The following ARL3 variants were observed in gnomAD, a reference collection of about 807,000 sequenced individuals.
ARL3 encodes the protein ARF like GTPase 3, also known as ADP-ribosylation factor-like protein 3.
A neutral mutation model predicts 26.0 loss-of-function variants in ARL3; 9 were observed. That is an observed-to-expected ratio of 0.35 (90% confidence interval 0.21 to 0.60). ARL3 has a LOEUF of 0.60. Among genes scored for constraint, ARL3 ranks in the 20% least tolerant of loss-of-function variants. The pLI, the probability that ARL3 is intolerant of heterozygous loss-of-function variation, is 0.78. For synonymous variants in ARL3, 71 were observed against 78.4 expected (o/e 0.91, Z 0.50); for missense variants, 158 against 215.7 (o/e 0.73, Z 1.67).
At chr10:102,703,087 AC>A (rs1354971894) in intron 2 of ARL3, among the ~76,000 whole-genome samples, 1 of 149,844 alleles carries the variant, frequency 6.7e-6, no homozygotes, top group Non-Finnish European at 1.5e-5. Context: ...GTTCTAAGAA[AC>A]CCACTACAGT....
At chr10:102,711,518 G>A (rs1430197204) in intron 1 of ARL3, among the ~76,000 whole-genome samples, 13 of 151,908 alleles carry the variant, frequency 8.6e-5, no homozygotes, top group African/African-American at 3.1e-4. Flanking sequence ...TTGGGAGGCC[G>A]AGGCGGGCGG....
intron 5 of ARL3, among the ~76,000 whole-genome samples, chr10:102,685,031 TG>T (rs770620935): frequency 2.0e-5 from 3 of 150,578 alleles, no homozygotes; most frequent in Non-Finnish European, 4.4e-5. Context: ...GCAGATCACT[TG>T]GGGTCAGGAG....
chr10:102,678,996 CGCTGCAACCCTGAG>C (rs1219048363), intron 5 of ARL3, among the ~76,000 whole-genome samples: 2 of 152,246 alleles, frequency 1.3e-5, no homozygotes, highest in Non-Finnish European at 2.9e-5. Context: ...CTGCAGCTGC[CGCTGCAACCCTGAG>C]TGTGGGAAGC....
chr10:102,675,032 A>G lies in ARL3; in HGVS notation c.*1862T>C, dbSNP rs1156783372. 2 of 152,214 alleles carry G rather than the reference A, an allele frequency of 1.3e-5. No individual in the cohort carries two copies. The highest frequency in any genetic ancestry group is 2.1e-4 in the South Asian group (1 of 4,834). The allele number at this position is 152,214 out of a possible 1,614,324, so 9.4% of individuals were successfully genotyped here. A position where few individuals can be genotyped will look rare whatever the true frequency, so the allele number is the denominator to read the frequency against. Reference sequence around the variant, plus strand: ...TCAGATAACTTGTCCCTGCTGAACTATTCGGAAGAAAAAACAATTTGCAAG... The same window carrying G: ...TCAGATAACTTGTCCCTGCTGAACTGTTCGGAAGAAAAAACAATTTGCAAG... On this transcript the variant is annotated 3_prime_UTR_variant, in exon 6 of 6. Coordinates refer to ENST00000260746, the MANE Select transcript of ARL3 (RefSeq NM_004311.4).
At chr10:102,698,797 T>C (rs185363417) in intron 3 of ARL3, among the ~76,000 whole-genome samples, 2 of 152,216 alleles carry the variant, frequency 1.3e-5, no homozygotes, top group Non-Finnish European at 2.9e-5. Flanking sequence ...ACTGGACGAT[T>C]GTAATTATAG....
intron 5 of ARL3, among the ~76,000 whole-genome samples, chr10:102,684,805 ATT>A (rs1382847178): frequency 6.6e-6 from 1 of 151,038 alleles, no homozygotes; most frequent in African/African-American, 2.4e-5. Context: ...TGTCCGGCTG[ATT>A]TTTTTTGTAT....
intron 5 of ARL3, among the ~76,000 whole-genome samples, chr10:102,680,861 G>A (rs1442001121): frequency 1.3e-5 from 2 of 152,168 alleles, no homozygotes; most frequent in Non-Finnish European, 2.9e-5. Context: ...GCAGCTGGAT[G>A]CTGCTTCCAT....
Position 102,710,519 on chromosome 10 carries a change from G to A in ARL3, c.3+3754C>T, listed in dbSNP as rs559803214. 3.3e-5 allele frequency among the ~76,000 whole-genome samples: 5 copies of A among 152,314 alleles called. No homozygotes were observed. The South Asian group carries it at 1.0e-3, about 32-fold the overall frequency. ...ATTTATCATAGGGCTGAGTTTTGCA[G>A]TATAAATACAATGACATTAATTTTT... is the stretch of plus-strand genomic sequence containing the variant. On this transcript the variant is annotated intron_variant, in intron 1 of 5. Transcript: ENST00000260746.
At chr10:102,686,851 G>A (rs1477574296) in intron 4 of ARL3, among the ~76,000 whole-genome samples, 1 of 147,534 alleles carries the variant, frequency 6.8e-6, no homozygotes, top group Non-Finnish European at 1.5e-5. Context: ...GTCTGAGCTA[G>A]GGCTCAGGAA....
chr10:102,698,759 C>T (rs1363226208), intron 3 of ARL3, among the ~76,000 whole-genome samples: 1 of 152,142 alleles, frequency 6.6e-6, no homozygotes, highest in African/African-American at 2.4e-5. Context: ...TCAGGGTATT[C>T]CCAATGCACG....
intron 5 of ARL3, among the ~76,000 whole-genome samples, chr10:102,679,847 T>G (rs1282607163): frequency 6.6e-6 from 1 of 152,124 alleles, no homozygotes; most frequent in Non-Finnish European, 1.5e-5. Context: ...GACCACCTCC[T>G]CCAGTGGAAA....
chr10:102,705,623 C>G, intron 1 of ARL3, 134 bp from the exon 2 acceptor site: 1 of 923,742 alleles, frequency 1.1e-6, no homozygotes, highest in Admixed American at 3.7e-5. Flanking sequence ...ATTCTAATGC[C>G]ACTTATTCCA....
rs138000341 is a variant in ARL3, at chr10:102,700,180, G to A, written c.148-691C>T. Among the ~76,000 whole-genome samples the A allele has an allele frequency of 2.0e-4, 30 of 152,238 alleles. 1 individual carries two copies. In the East Asian group the frequency reaches 5.6e-3, roughly 29 times the overall value. Reference sequence around the variant, plus strand: ...AATCCCAGCACTCTGGGAGGCCGAGGCGGATGGATCAGGAGGTCAGGAGTT... The same window carrying A: ...AATCCCAGCACTCTGGGAGGCCGAGACGGATGGATCAGGAGGTCAGGAGTT... On this transcript the variant is annotated intron_variant, in intron 2 of 5. Transcript: ENST00000260746.
chr10:102,711,293 T>C lies in ARL3; in HGVS notation c.3+2980A>G, dbSNP rs140146777. ...AATGAATGTTATGGGCTTTAGAATTTCACAGACTTGTATTCAGCTTCTGTG... is the reference window on the plus strand; with the variant it reads ...AATGAATGTTATGGGCTTTAGAATTCCACAGACTTGTATTCAGCTTCTGTG... On this transcript the variant is annotated intron_variant, in intron 1 of 5. Coordinates refer to ENST00000260746, the MANE Select transcript of ARL3 (RefSeq NM_004311.4). Among the ~76,000 whole-genome samples, 478 of 151,950 alleles carry C rather than the reference T, an allele frequency of 3.1e-3. 4 individuals are homozygous for C. Among genetic ancestry groups the C allele is most frequent in the African/African-American group, 0.011 (456 of 41,410 alleles).
chr10:102,710,127 A>G (rs1040338829), intron 1 of ARL3, among the ~76,000 whole-genome samples: 2 of 152,228 alleles, frequency 1.3e-5, no homozygotes, highest in African/African-American at 4.8e-5. Flanking sequence ...TTTCCTTATT[A>G]GGAAATAATA....
chr10:102,690,842 AT>A (rs1369938381), intron 3 of ARL3, among the ~76,000 whole-genome samples: 1 of 151,548 alleles, frequency 6.6e-6, no homozygotes, highest in Admixed American at 6.6e-5. Context: ...TTCCCTAAGA[AT>A]AACTCTGGTA....
intron 3 of ARL3, among the ~76,000 whole-genome samples, chr10:102,690,487 T>C (rs1034034870): frequency 2.0e-5 from 3 of 151,986 alleles, no homozygotes; most frequent in African/African-American, 2.4e-5. Flanking sequence ...CGTTTCACCA[T>C]GTCGGCCAGG....
chr10:102,697,748 G>A (rs2064256929), intron 3 of ARL3, among the ~76,000 whole-genome samples: 4 of 152,164 alleles, frequency 2.6e-5, no homozygotes, highest in Admixed American at 2.6e-4. Context: ...AATAGCAATG[G>A]AGATTTAGGA....
Position 102,705,329 on chromosome 10 carries a change from G to A in ARL3, c.147+17C>T, listed in dbSNP as rs192947915. On this transcript the variant is annotated intron_variant, in intron 2 of 5. Transcript: ENST00000260746. ...CTTCCTGTGTCACACGGCATCTGGA[G>A]CCAAGGCAGTGCTCACCTGTGTAGG... is the stretch of plus-strand genomic sequence containing the variant. 4.8e-5 allele frequency: 74 copies of A among 1,542,960 alleles called. No homozygotes were observed. The African/African-American group carries it at 9.5e-4, about 20-fold the overall frequency.
Sources: gnomAD v4.1 joint callset for allele counts (sites outside exome capture counted in the v4.1 genomes callset) on GRCh38, gnomAD v4.1.1 for gene constraint, MANE v1.5 for transcripts, NCBI Gene and HGNC (gene_info 2026-07-23, HGNC 2026-07-21) for gene names.